CYTH1: variants seen among roughly 807,000 people sequenced by gnomAD.
CYTH1 encodes cytohesin-1.
Under a neutral mutation model 61.8 loss-of-function variants are expected in CYTH1, and 18 were observed. The observed-to-expected ratio is 0.29, with a 90% CI of 0.20 to 0.43. The LOEUF is 0.43. CYTH1 is among the 20% of genes least tolerant of loss of function. The pLI, the probability that CYTH1 is intolerant of heterozygous loss-of-function variation, is 1.00. For missense variants in CYTH1, 336 were observed against 510.5 expected (o/e 0.66, Z 3.29); for synonymous variants, 174 against 184.3 (o/e 0.94, Z 0.45).
chr17:78,755,380 C>T (rs1185335193), intron 1 of CYTH1, among the ~76,000 whole-genome samples: 2 of 151,588 alleles, frequency 1.3e-5, no homozygotes, highest in African/African-American at 2.4e-5. Flanking sequence ...GTGATCCGCT[C>T]GCCTCGGCCT....
chr17:78,765,575 T>C (rs1371449549), intron 1 of CYTH1, among the ~76,000 whole-genome samples: 1 of 152,104 alleles, frequency 6.6e-6, no homozygotes, highest in African/African-American at 2.4e-5. Flanking sequence ...AGGGTTTCAA[T>C]GCCAAGCAAA....
At chr17:78,762,471 A>G (rs141898853) in intron 1 of CYTH1, among the ~76,000 whole-genome samples, 20 of 152,340 alleles carry the variant, frequency 1.3e-4, no homozygotes, top group South Asian at 2.1e-4. Context: ...TTCTCACAAG[A>G]AACATTCCAT....
chr17:78,680,413 C>A (rs1262469853), intron 12 of CYTH1, 69 bp from the exon 13 acceptor site: 17 of 1,507,454 alleles, frequency 1.1e-5, no homozygotes, highest in Non-Finnish European at 1.4e-5. Flanking sequence ...ATGCTGATTT[C>A]TTTCCCCAAA....
chr17:78,708,488 C>T (rs1286047870), intron 2 of CYTH1, among the ~76,000 whole-genome samples: 1 of 152,194 alleles, frequency 6.6e-6, no homozygotes, highest in Non-Finnish European at 1.5e-5. Context: ...GAAAAGAATA[C>T]AGCCTCTGAC....
In CYTH1 at chr17:78,701,732, C is replaced by T. The variant is rs2093011510; in HGVS notation, c.376G>A (p.Val126Ile). ...TGCAGCTCCACAAATGCATGAAGAACCTGGATATTAAACTCATCTCTATCG... is the reference window on the plus strand; with the variant it reads ...TGCAGCTCCACAAATGCATGAAGAATCTGGATATTAAACTCATCTCTATCG... ...LGERDEFNIQ[V>I]LHAFVELHEF... Residue 126 changes from valine (V) to isoleucine (I), a missense_variant, in exon 6 of 14, where the codon GTT becomes ATT. By Grantham distance (29) the Val-to-Ile change is conservative. Around this residue, in one of 4 missense-constraint regions of CYTH1, gnomAD observed 125 missense variants for 209.9 expected, o/e 0.60. Coordinates refer to ENST00000446868, the MANE Select transcript of CYTH1 (RefSeq NM_004762.6). The T allele has an allele frequency of 6.2e-7, 1 of 1,613,978 alleles. No homozygotes were observed. Among genetic ancestry groups the T allele is most frequent in the African/African-American group, 1.3e-5 (1 of 74,880 alleles).
intron 1 of CYTH1, among the ~76,000 whole-genome samples, chr17:78,716,397 C>T (rs1039625311): frequency 6.6e-6 from 1 of 152,110 alleles, no homozygotes; most frequent in Non-Finnish European, 1.5e-5. Context: ...AAAGATAGCC[C>T]TTCTGTGTCC....
In CYTH1 at chr17:78,700,350, A is replaced by G; in HGVS notation, c.531T>C (p.Asn177=). Residue 177 remains asparagine (N), a synonymous_variant, in exon 7 of 14, where the codon AAT becomes AAC. Coordinates refer to ENST00000446868, the MANE Select transcript of CYTH1 (RefSeq NM_004762.6). This position sits in a 1 kb window ranked among gnomAD's most constrained non-coding sequence, Gnocchi z 5.1. The stretch of plus-strand genomic sequence containing the variant: ...ATTTACCCGTGGACTGGAACACGCC[A>G]TTATTGCACTGACAATATCGCTGGG... The part of the protein sequence containing the change: ...AFAQRYCQCN[N]GVFQSTDTCY... The G allele has an allele frequency of 6.2e-7, 1 of 1,612,918 alleles. No individual in the cohort carries two copies. The highest frequency in any genetic ancestry group is 8.5e-7 in the Non-Finnish European group (1 of 1,179,402).
chr17:78,702,288 T>C (rs2093019295), intron 4 of CYTH1, 48 bp from the exon 5 acceptor site: 3 of 1,497,526 alleles, frequency 2.0e-6, no homozygotes, highest in East Asian at 2.3e-5. Flanking sequence ...TGGGAAACAG[T>C]TGAAAAGAAG....
intron 9 of CYTH1, among the ~76,000 whole-genome samples, chr17:78,696,973 G>C (rs7503419): frequency 1 from 152,317 of 152,342 alleles, 76,146 homozygotes; most frequent in Non-Finnish European, 1. Flanking sequence ...AAAGATTCTG[G>C]GGGCTTAAAG....
chr17:78,771,729 TAAA>T (rs752607880), intron 1 of CYTH1, among the ~76,000 whole-genome samples: 4 of 117,820 alleles, frequency 3.4e-5, no homozygotes, highest in Admixed American at 1.8e-4. Flanking sequence ...GATTCCATCT[TAAA>T]AAAAAAAAAA....
intron 1 of CYTH1, among the ~76,000 whole-genome samples, chr17:78,712,155 AGG>A (rs1233553029): frequency 4.3e-5 from 1 of 23,146 alleles, no homozygotes; most frequent in Non-Finnish European, 7.8e-5. Context: ...GGAGGAAGGA[AGG>A]GAGGGAGGGA....
chr17:78,768,848 A>G (rs1466072442), intron 1 of CYTH1, among the ~76,000 whole-genome samples: 5 of 151,970 alleles, frequency 3.3e-5, no homozygotes, highest in Non-Finnish European at 4.4e-5. Context: ...CTCTTGGCAA[A>G]AATAAAAAAT....
chr17:78,734,445 T>G (rs1323789790), intron 1 of CYTH1, among the ~76,000 whole-genome samples: 1 of 144,232 alleles, frequency 6.9e-6, no homozygotes, highest in African/African-American at 2.6e-5. Context: ...TTTTTTTTTT[T>G]TTTTTTTTTT....
intron 1 of CYTH1, among the ~76,000 whole-genome samples, chr17:78,712,163 A>C: frequency 1.5e-5 from 1 of 64,728 alleles, no homozygotes; most frequent in African/African-American, 6.0e-5. Context: ...GAAGGGAGGG[A>C]GGGAGGGAGG....
intron 1 of CYTH1, among the ~76,000 whole-genome samples, chr17:78,737,661 TTA>T (rs1164605255): frequency 6.6e-6 from 1 of 151,854 alleles, no homozygotes; most frequent in Non-Finnish European, 1.5e-5. Flanking sequence ...TTCATCTCCA[TTA>T]TGATTTCTAA....
intron 1 of CYTH1, chr17:78,727,555 G>T: frequency 2.6e-6 from 1 of 386,124 alleles, no homozygotes. Context: ...CCCCGAGTCC[G>T]GGTTTGCAAA....
chr17:78,770,647 G>C (rs1260954208), intron 1 of CYTH1, among the ~76,000 whole-genome samples: 1 of 152,098 alleles, frequency 6.6e-6, no homozygotes, highest in Non-Finnish European at 1.5e-5. Context: ...TCGATCTCTT[G>C]ACTTTGTGAT....
At chr17:78,712,999 A>C (rs2093149374) in intron 1 of CYTH1, among the ~76,000 whole-genome samples, 1 of 151,880 alleles carries the variant, frequency 6.6e-6, no homozygotes, top group African/African-American at 2.4e-5. Context: ...ATCCATCAGC[A>C]TTATGTGGAT....
At chr17:78,714,151 G>A (rs867690545) in intron 1 of CYTH1, among the ~76,000 whole-genome samples, 4 of 123,470 alleles carry the variant, frequency 3.2e-5, no homozygotes, top group South Asian at 2.4e-4. Context: ...TTAGCTGGGC[G>A]TAGCGGTGCA....
Sources: gnomAD v4.1 joint callset for allele counts (sites outside exome capture counted in the v4.1 genomes callset) on GRCh38, gnomAD v4.1.1 for gene constraint, gnomAD v4.1.1 regional missense constraint, Gnocchi (gnomAD v3.1) non-coding constraint, MANE v1.5 for transcripts, NCBI Gene and HGNC (gene_info 2026-07-23, HGNC 2026-07-21) for gene names.